Variants in KCNT2 observed in about 807,000 individuals in gnomAD.
KCNT2 encodes the protein potassium channel subfamily T member 2.
In KCNT2, 67 loss-of-function variants were observed where a neutral mutation model predicts 153.8. That is an observed-to-expected ratio of 0.44 (90% CI 0.36 to 0.53). The LOEUF (loss-of-function observed/expected upper bound fraction) is 0.53, where lower values mean the gene tolerates loss of function less well. Among genes scored for constraint, KCNT2 ranks in the 20% least tolerant of loss-of-function variants. The pLI, the probability that KCNT2 is intolerant of heterozygous loss-of-function variation, is 0.00. For missense variants in KCNT2, 975 were observed against 1,354.8 expected, an observed-to-expected ratio of 0.72 and a Z score of 4.40; for synonymous variants, 500 against 458.8, an observed-to-expected ratio of 1.09 and a Z score of -1.15.
At chr1:196,595,373 A>AT (rs1222637460) in intron 1 of KCNT2, among the ~76,000 whole-genome samples, 1 of 152,158 alleles carries the variant, frequency 6.6e-6, no homozygotes, top group Non-Finnish European at 1.5e-5. Context: ...GGTTATTCAT[A>AT]TGATATGAAT....
intron 25 of KCNT2, among the ~76,000 whole-genome samples, chr1:196,271,683 GAGAA>G (rs1459186315): frequency 6.6e-6 from 1 of 151,920 alleles, no homozygotes; most frequent in Admixed American, 6.6e-5. Context: ...TTTTGTTAGA[GAGAA>G]AGTGAAACAG....
chr1:196,409,132 T>C (rs1336323009), intron 12 of KCNT2, among the ~76,000 whole-genome samples: 1 of 151,296 alleles, frequency 6.6e-6, no homozygotes, highest in Non-Finnish European at 1.5e-5. Flanking sequence ...TCTTCATCTT[T>C]GGTATGAGTT....
intron 25 of KCNT2, among the ~76,000 whole-genome samples, chr1:196,275,571 C>A (rs1230474466): frequency 6.6e-6 from 1 of 151,872 alleles, no homozygotes; most frequent in East Asian, 1.9e-4. Context: ...AGTGCTTTCC[C>A]ACTCCCACAG....
At chr1:196,574,673 T>G (rs931081740) in intron 1 of KCNT2, among the ~76,000 whole-genome samples, 1 of 151,980 alleles carries the variant, frequency 6.6e-6, no homozygotes, top group Admixed American at 6.6e-5. Flanking sequence ...TCAAAAATAT[T>G]TTATGATTTA....
At chr1:196,312,689 A>G (rs1662306553) in intron 21 of KCNT2, among the ~76,000 whole-genome samples, 2 of 151,776 alleles carry the variant, frequency 1.3e-5, no homozygotes, top group Non-Finnish European at 2.9e-5. Flanking sequence ...CTTAGGCCTT[A>G]CTAATCAACG....
intron 1 of KCNT2, among the ~76,000 whole-genome samples, chr1:196,495,326 G>A (rs1388407659): frequency 6.6e-6 from 1 of 151,732 alleles, no homozygotes; most frequent in Non-Finnish European, 1.5e-5. Context: ...TAGTGACAGC[G>A]TGTACTTTTG....
intron 5 of KCNT2, among the ~76,000 whole-genome samples, chr1:196,472,510 T>A (rs905279047): frequency 6.6e-6 from 1 of 152,162 alleles, no homozygotes; most frequent in Non-Finnish European, 1.5e-5. Context: ...AGCTAATGAC[T>A]TCCAATATTG....
At chr1:196,371,110 C>T (rs1668490580) in intron 14 of KCNT2, among the ~76,000 whole-genome samples, 1 of 149,348 alleles carries the variant, frequency 6.7e-6, no homozygotes, top group South Asian at 2.1e-4. Flanking sequence ...TCAGCTGAGC[C>T]TAATGGCTCA....
intron 20 of KCNT2, among the ~76,000 whole-genome samples, chr1:196,318,522 G>T (rs1039377614): frequency 6.6e-6 from 1 of 151,664 alleles, no homozygotes; most frequent in Non-Finnish European, 1.5e-5. Flanking sequence ...TAGATATACT[G>T]TTTTTCTAAT....
intron 12 of KCNT2, among the ~76,000 whole-genome samples, chr1:196,403,715 C>G (rs1360930175): frequency 6.6e-6 from 1 of 150,830 alleles, no homozygotes; most frequent in East Asian, 2.0e-4. Flanking sequence ...CTCTGTAAAC[C>G]TAAAATGGCT....
At chr1:196,440,623 C>T (rs1349767450) in intron 8 of KCNT2, among the ~76,000 whole-genome samples, 1 of 151,866 alleles carries the variant, frequency 6.6e-6, no homozygotes. Flanking sequence ...TAACTTTTAT[C>T]TTTGTCTATG....
At chr1:196,565,993 T>C (rs1197679444) in intron 1 of KCNT2, among the ~76,000 whole-genome samples, 1 of 151,930 alleles carries the variant, frequency 6.6e-6, no homozygotes, top group East Asian at 1.9e-4. Flanking sequence ...AAAATAAGTA[T>C]CTGAGATGAG....
In KCNT2 at chr1:196,235,864, G is replaced by A. The variant is rs112896769; in HGVS notation, c.3296+122C>T. 4.2e-3 allele frequency: 2,522 copies of A among 599,428 alleles called. 41 individuals are homozygous for A. The highest frequency in any genetic ancestry group is 0.034 in the African/African-American group (1,819 of 52,822). 37.1% of individuals were successfully genotyped at this position (599,428 alleles called of 1,614,324 possible). A position where few individuals can be genotyped will look rare whatever the true frequency, so the allele number is the denominator to read the frequency against. ...TGCATTTGTTTATTTATAAAATTAGGTATAGACTATTTAAGCACTTATAAG... is the reference window on the plus strand; with the variant it reads ...TGCATTTGTTTATTTATAAAATTAGATATAGACTATTTAAGCACTTATAAG... On this transcript the variant is annotated intron_variant, in intron 27 of 27. Transcript: ENST00000294725.
At chr1:196,367,082 T>G (rs1193808501) in intron 14 of KCNT2, among the ~76,000 whole-genome samples, 1 of 152,166 alleles carries the variant, frequency 6.6e-6, no homozygotes, top group African/African-American at 2.4e-5. Flanking sequence ...AGAATTTTGT[T>G]TGTGATTAGG....
intron 1 of KCNT2, among the ~76,000 whole-genome samples, chr1:196,508,189 C>CAAAAAAAAAAAAAAAAAAAAAAAGAAA (rs1681305658): frequency 1.3e-4 from 8 of 59,982 alleles, no homozygotes; most frequent in Non-Finnish European, 2.1e-4. Flanking sequence ...CCCTAAGTAG[C>CAAAAAAAAAAAAAAAAAAAAAAAGAAA]AAAAAAAAAA....
chr1:196,434,579 C>A (rs970552814), intron 8 of KCNT2, among the ~76,000 whole-genome samples: 2 of 151,864 alleles, frequency 1.3e-5, no homozygotes, highest in Non-Finnish European at 2.9e-5. Context: ...CCTCTATAAC[C>A]TGTAGTTTGA....
At position 196,372,811 on chromosome 1, in the gene KCNT2, A is replaced by G. The variant is rs189870329; in HGVS notation, c.1403+329T>C. Among the ~76,000 whole-genome samples the G allele has an allele frequency of 1.1e-3, 172 of 152,022 alleles. 2 individuals carry two copies. The highest frequency in any genetic ancestry group is 1.3e-4 in the Non-Finnish European group (9 of 67,862). On this transcript the variant is annotated intron_variant, in intron 14 of 27. Coordinates refer to ENST00000294725, the MANE Select transcript of KCNT2 (RefSeq NM_198503.5). ...TGAGAATCCTTTAATTAAATGTTTC[A>G]TTTGCTGCAGAAGTATTCATCTTTA... is the stretch of plus-strand genomic sequence containing the variant.
At chr1:196,424,434 T>A (rs1187041135) in intron 11 of KCNT2, among the ~76,000 whole-genome samples, 2 of 151,968 alleles carry the variant, frequency 1.3e-5, no homozygotes, top group African/African-American at 4.8e-5. Flanking sequence ...ATTACAGTAG[T>A]ATCTAAGCAT....
At chr1:196,423,826 G>A (rs748524751) in intron 11 of KCNT2, among the ~76,000 whole-genome samples, 7 of 151,700 alleles carry the variant, frequency 4.6e-5, no homozygotes, top group Non-Finnish European at 1.0e-4. Context: ...TTGCACCATG[G>A]TTATTAAGAT....
Sources: gnomAD v4.1 joint callset for allele counts (sites outside exome capture counted in the v4.1 genomes callset) on GRCh38, gnomAD v4.1.1 for gene constraint, MANE v1.5 for transcripts, NCBI Gene and HGNC (gene_info 2026-07-23, HGNC 2026-07-21) for gene names.